MECOM: variants seen among roughly 807,000 people sequenced by gnomAD.
MECOM encodes the protein histone-lysine N-methyltransferase MECOM.
MECOM carries 13 observed loss-of-function variants against 116.3 expected under a neutral mutation model. The observed-to-expected ratio is 0.11, with a 90% CI of 0.07 to 0.18. MECOM has a LOEUF of 0.18. Among genes scored for constraint, MECOM ranks in the 10% least tolerant of loss-of-function variants. MECOM has a pLI of 1.00. For missense variants in MECOM, 1,299 were observed against 1,509.0 expected, an observed-to-expected ratio of 0.86 and a Z score of 2.31; for synonymous variants, 528 against 535.2, an observed-to-expected ratio of 0.99 and a Z score of 0.19.
At chr3:169,378,452 G>GC (rs1491467574) in intron 2 of MECOM, among the ~76,000 whole-genome samples, 1 of 64,552 alleles carries the variant, frequency 1.5e-5, no homozygotes, top group African/African-American at 7.0e-5. Context: ...AAAGAAAGAA[G>GC]GAAAGCAAGC....
intron 1 of MECOM, among the ~76,000 whole-genome samples, chr3:169,447,339 AT>A (rs1419978622): frequency 6.6e-6 from 1 of 152,018 alleles, no homozygotes; most frequent in African/African-American, 2.4e-5. Context: ...CATTTTGTAA[AT>A]TTTAGTTGAC....
chr3:169,363,104 A>G (rs554875153), intron 2 of MECOM, among the ~76,000 whole-genome samples: 1 of 151,824 alleles, frequency 6.6e-6, no homozygotes, highest in Admixed American at 6.6e-5. Flanking sequence ...CATCAACAAA[A>G]CTTCATATTA....
chr3:169,611,932 A>G lies in MECOM; in HGVS notation c.37+51404T>C, dbSNP rs1371819788. 6.6e-6 allele frequency among the ~76,000 whole-genome samples: 1 copy of G among 152,208 alleles called. No homozygotes were observed. Among genetic ancestry groups the G allele is most frequent in the Non-Finnish European group, 1.5e-5 (1 of 68,034 alleles). On this transcript the variant is annotated intron_variant, in intron 1 of 16. Transcript: ENST00000651503. This position sits in a 1 kb window ranked among gnomAD's most constrained non-coding sequence, Gnocchi z 4.1. ...CGGTTTCTAAATCTCAACGCTATTG[A>G]CATTTTGAGCCAGATAATTCTTTGT... is the stretch of plus-strand genomic sequence containing the variant.
intron 2 of MECOM, among the ~76,000 whole-genome samples, chr3:169,204,139 C>T (rs969953469): frequency 1.3e-5 from 2 of 152,146 alleles, no homozygotes; most frequent in Non-Finnish European, 2.9e-5. Context: ...ACAACCAAGT[C>T]CATCCATAGG....
intron 1 of MECOM, among the ~76,000 whole-genome samples, chr3:169,629,611 G>A (rs16854232): frequency 0.024 from 3,638 of 152,246 alleles, 135 homozygotes; most frequent in African/African-American, 0.084. Flanking sequence ...GTATGAGATT[G>A]GAAGGCTACA....
intron 5 of MECOM, among the ~76,000 whole-genome samples, chr3:169,127,490 G>A (rs940360537): frequency 5.9e-5 from 9 of 152,044 alleles, no homozygotes; most frequent in African/African-American, 2.2e-4. Flanking sequence ...TCATCTGAAT[G>A]TTCCTAGGGG....
At chr3:169,253,423 T>C (rs1312900011) in intron 2 of MECOM, among the ~76,000 whole-genome samples, 5 of 151,634 alleles carry the variant, frequency 3.3e-5, no homozygotes, top group Admixed American at 1.3e-4. Flanking sequence ...ATTCGACTTC[T>C]TTTCCTAAAA....
intron 1 of MECOM, among the ~76,000 whole-genome samples, chr3:169,553,977 G>T (rs1332323189): frequency 5.3e-5 from 8 of 150,140 alleles, no homozygotes; most frequent in Non-Finnish European, 5.9e-5. Context: ...TTTGGCCAGG[G>T]TTGCTGGGGA....
intron 2 of MECOM, among the ~76,000 whole-genome samples, chr3:169,264,528 C>T (rs1375025135): frequency 1.3e-5 from 2 of 151,992 alleles, no homozygotes. Flanking sequence ...ACTATCTAGT[C>T]CATATGGAGC....
In MECOM at chr3:169,095,227, T is replaced by C. The variant is rs769620459; in HGVS notation, c.2868A>G (p.Arg956=). The part of the protein sequence containing the change: ...EQPYRCKYCD[R]SFSISSNLQR... ...GCAAGTTAGAAGATATGCTAAATGA[T>C]CTGTCACAGTATTTGCATCTGAAAA... The change falls in exon 13 of 17, where the codon AGA becomes AGG. Residue 956 remains arginine (R), a synonymous_variant. Coordinates refer to ENST00000651503, the MANE Select transcript of MECOM (RefSeq NM_004991.4). 10 of 1,611,744 alleles carry C rather than the reference T, an allele frequency of 6.2e-6. No individual in the cohort carries two copies. The highest frequency in any genetic ancestry group is 8.5e-6 in the Non-Finnish European group (10 of 1,179,200).
chr3:169,093,283 C>T (rs776537918), intron 13 of MECOM, among the ~76,000 whole-genome samples, 181 bp from the exon 14 acceptor site: 6 of 152,112 alleles, frequency 3.9e-5, no homozygotes, highest in South Asian at 2.1e-4. Context: ...ATGCCCATGA[C>T]GGTCCTTTGG....
At chr3:169,370,748 A>C (rs1729949755) in intron 2 of MECOM, among the ~76,000 whole-genome samples, 1 of 152,004 alleles carries the variant, frequency 6.6e-6, no homozygotes, top group Non-Finnish European at 1.5e-5. Context: ...TGTTTTTTCA[A>C]AGAAGACATA....
chr3:169,563,465 G>T (rs1762885685), intron 1 of MECOM, among the ~76,000 whole-genome samples: 1 of 152,114 alleles, frequency 6.6e-6, no homozygotes, highest in Admixed American at 6.5e-5. Flanking sequence ...AACATCTTTT[G>T]TGAACAAATA....
intron 1 of MECOM, among the ~76,000 whole-genome samples, chr3:169,659,472 T>TTTTTTTTTTTC (rs1775983107): frequency 7.9e-6 from 1 of 126,306 alleles, no homozygotes; most frequent in Admixed American, 7.9e-5. Flanking sequence ...TTTTTTTTTT[T>TTTTTTTTTTTC]TGCAAAACAC....
At chr3:169,353,931 T>C (rs1227938276) in intron 2 of MECOM, among the ~76,000 whole-genome samples, 1 of 151,874 alleles carries the variant, frequency 6.6e-6, no homozygotes, top group Non-Finnish European at 1.5e-5. Context: ...TTTCCTAATA[T>C]ATAGGCAAGT....
chr3:169,189,586 T>C (rs6798330), intron 2 of MECOM, among the ~76,000 whole-genome samples: 10,829 of 152,158 alleles, frequency 0.071, 618 homozygotes, highest in East Asian at 0.3. Context: ...AATTCACTTA[T>C]TGGCTTTGGT....
intron 1 of MECOM, among the ~76,000 whole-genome samples, chr3:169,529,983 A>G (rs867441680): frequency 3.3e-5 from 5 of 152,356 alleles, no homozygotes; most frequent in South Asian, 2.1e-4. Context: ...TAAGTACAGT[A>G]CAATATGATA....
At chr3:169,212,682 A>T (rs1051828994) in intron 2 of MECOM, among the ~76,000 whole-genome samples, 5 of 128,102 alleles carry the variant, frequency 3.9e-5, no homozygotes, top group African/African-American at 1.4e-4. Flanking sequence ...ATATATATAT[A>T]TATGCAACAA....
intron 1 of MECOM, among the ~76,000 whole-genome samples, chr3:169,559,692 T>C (rs1762433596): frequency 6.6e-6 from 1 of 152,178 alleles, no homozygotes; most frequent in Admixed American, 6.6e-5. Flanking sequence ...TTTTATAGAC[T>C]AGGAATTTAA....
Sources: gnomAD v4.1 joint callset for allele counts (sites outside exome capture counted in the v4.1 genomes callset) on GRCh38, gnomAD v4.1.1 for gene constraint, Gnocchi (gnomAD v3.1) non-coding constraint, MANE v1.5 for transcripts, NCBI Gene and HGNC (gene_info 2026-07-23, HGNC 2026-07-21) for gene names.